The following TCERG1L variants were observed in gnomAD, a reference collection of about 807,000 sequenced individuals.
TCERG1L encodes the protein transcription elongation regulator 1 like.
TCERG1L carries 37 observed loss-of-function variants against 56.3 expected under a neutral mutation model. The observed-to-expected ratio is 0.66, with a 90% CI of 0.51 to 0.87. The LOEUF is 0.87. Among genes scored for constraint, TCERG1L ranks in the 40% least tolerant of loss-of-function variants. The probability of loss-of-function intolerance (pLI) is 0.00; values close to 1 mark genes in which losing one functional copy is unlikely to be tolerated. For missense variants in TCERG1L, 799 were observed against 774.2 expected (o/e 1.03, Z -0.38); for synonymous variants, 324 against 326.3 (o/e 0.99, Z 0.08).
At chr10:131,142,270 A>G (rs1845746943) in intron 7 of TCERG1L, among the ~76,000 whole-genome samples, 1 of 151,970 alleles carries the variant, frequency 6.6e-6, no homozygotes, top group South Asian at 2.1e-4. Context: ...AGACAGAACC[A>G]CACTAGCTCA....
intron 3 of TCERG1L, among the ~76,000 whole-genome samples, chr10:131,276,580 T>TGGAGATGCATTTAGAC (rs1220886054): frequency 6.6e-6 from 1 of 152,238 alleles, no homozygotes; most frequent in African/African-American, 2.4e-5. Flanking sequence ...TCTCTCTCTT[T>TGGAGATGCATTTAGAC]GGAGATGCAT....
intron 3 of TCERG1L, among the ~76,000 whole-genome samples, chr10:131,265,409 A>G (rs917693399): frequency 6.6e-6 from 1 of 152,246 alleles, no homozygotes; most frequent in Admixed American, 6.5e-5. Context: ...AAAGTTAATC[A>G]TATCAACAGA....
intron 6 of TCERG1L, among the ~76,000 whole-genome samples, chr10:131,153,168 T>C (rs1845883668): frequency 6.6e-6 from 1 of 152,028 alleles, no homozygotes; most frequent in Non-Finnish European, 1.5e-5. Flanking sequence ...CCCCAGACAC[T>C]AGGCTGAGTG....
intron 4 of TCERG1L, among the ~76,000 whole-genome samples, chr10:131,193,629 C>A (rs1229391962): frequency 6.6e-6 from 1 of 152,114 alleles, no homozygotes; most frequent in Non-Finnish European, 1.5e-5. Flanking sequence ...TTGTCAGTTT[C>A]ATCAGAGATC....
At position 131,238,998 on chromosome 10, in the gene TCERG1L, C is replaced by T. The variant is rs1404096130; in HGVS notation, c.856+21261G>A. Among the ~76,000 whole-genome samples the T allele has an allele frequency of 2.6e-5, 4 of 152,186 alleles. No individual in the cohort carries two copies. In the East Asian group the frequency reaches 7.7e-4, roughly 29 times the overall value. ...CCCTGCCTGACATGGACTTAAACTC[C>T]GAGAACATAAAAGCCAAAGCCCCAA... is the stretch of plus-strand genomic sequence containing the variant. On this transcript the variant is annotated intron_variant, in intron 4 of 11. Transcript: ENST00000368642.
In TCERG1L at chr10:131,242,614, C is replaced by T. The variant is rs528273187; in HGVS notation, c.856+17645G>A. ...GAAATGCTTGCAACCAGAAGCGTTT[C>T]AGATTTCAGGGTTTTTTTCCAGCTT... On this transcript the variant is annotated intron_variant, in intron 4 of 11. Transcript: ENST00000368642. Among the ~76,000 whole-genome samples the T allele has an allele frequency of 5.9e-5, 9 of 152,308 alleles. 1 individual carries two copies. Among genetic ancestry groups the T allele is most frequent in the African/African-American group, 2.2e-4 (9 of 41,566 alleles).
intron 5 of TCERG1L, 144 bp from the exon 6 acceptor site, chr10:131,163,354 C>CG: frequency 1.6e-6 from 1 of 638,808 alleles, no homozygotes; most frequent in Non-Finnish European, 2.6e-6. Flanking sequence ...CACGGCAGCG[C>CG]CTGGCTGGGA....
At chr10:131,119,724 C>T (rs749784419) in intron 8 of TCERG1L, among the ~76,000 whole-genome samples, 7 of 152,176 alleles carry the variant, frequency 4.6e-5, no homozygotes, top group Non-Finnish European at 8.8e-5. Context: ...AGTTCTGTAC[C>T]TTTAACAAAA....
At chr10:131,161,798 A>G (rs1351605973) in intron 6 of TCERG1L, 2 of 152,198 alleles carry the variant, frequency 1.3e-5, no homozygotes, top group Non-Finnish European at 2.9e-5. Context: ...AAATTCTAAA[A>G]CATTGAGGTT....
intron 8 of TCERG1L, 147 bp from the exon 9 acceptor site, chr10:131,117,081 C>A: frequency 8.9e-7 from 1 of 1,128,312 alleles, no homozygotes; most frequent in Non-Finnish European, 1.2e-6. Flanking sequence ...CGGTCTCCCT[C>A]GCAAAGATGG....
At chr10:131,114,436 G>GA (rs1462504257) in intron 9 of TCERG1L, among the ~76,000 whole-genome samples, 1 of 146,926 alleles carries the variant, frequency 6.8e-6, no homozygotes, top group East Asian at 2.2e-4. Context: ...GGCCTCTCCT[G>GA]AAAATCCTCA....
intron 4 of TCERG1L, among the ~76,000 whole-genome samples, chr10:131,241,123 T>C (rs986686129): frequency 6.6e-6 from 1 of 151,838 alleles, no homozygotes; most frequent in African/African-American, 2.4e-5. Flanking sequence ...CGCACAGAAA[T>C]GGTGATGAAA....
chr10:131,296,619 G>A (rs1391287182), intron 3 of TCERG1L, among the ~76,000 whole-genome samples: 9 of 152,154 alleles, frequency 5.9e-5, no homozygotes, highest in Non-Finnish European at 1.3e-4. Flanking sequence ...TCCTTTGCCT[G>A]TCCATATTAA....
At chr10:131,284,280 A>C (rs1846496341) in intron 3 of TCERG1L, among the ~76,000 whole-genome samples, 1 of 152,134 alleles carries the variant, frequency 6.6e-6, no homozygotes, top group South Asian at 2.1e-4. Context: ...ATACATTAGA[A>C]ATTAATTGAA....
intron 9 of TCERG1L, among the ~76,000 whole-genome samples, chr10:131,115,315 C>A (rs1007838311): frequency 6.6e-6 from 1 of 152,248 alleles, no homozygotes; most frequent in Non-Finnish European, 1.5e-5. Flanking sequence ...CTGCAGAGAC[C>A]AAGTTGGGAG....
chr10:131,257,297 C>T (rs867034149), intron 4 of TCERG1L, among the ~76,000 whole-genome samples: 8 of 152,152 alleles, frequency 5.3e-5, no homozygotes, highest in Non-Finnish European at 1.0e-4. Context: ...CACCCCATCC[C>T]CTGGGAGGGC....
At chr10:131,196,932 C>T (rs1322027831) in intron 4 of TCERG1L, among the ~76,000 whole-genome samples, 7 of 152,136 alleles carry the variant, frequency 4.6e-5, no homozygotes, top group Admixed American at 2.6e-4. Context: ...CCCTGACTTG[C>T]CCCCTAAAAT....
chr10:131,164,134 A>C (rs1262468500), intron 5 of TCERG1L: 1 of 150,914 alleles, frequency 6.6e-6, no homozygotes, highest in Non-Finnish European at 1.5e-5. Flanking sequence ...CTTAAAAAAA[A>C]AAAAAAAAAA....
Position 131,280,705 on chromosome 10 carries a change from G to GCACACA in TCERG1L, c.671-20267_671-20262dup, listed in dbSNP as rs59263854. On this transcript the variant is annotated intron_variant, in intron 3 of 11. Coordinates refer to ENST00000368642, the MANE Select transcript of TCERG1L (RefSeq NM_174937.4). ...ACTCATCTGTGCCTGCCTAAGATGT[G>GCACACA]CACACACACACACACACAGACACCT... Among the ~76,000 whole-genome samples, 1,062 of 150,626 alleles carry GCACACA rather than the reference G, an allele frequency of 7.1e-3. 10 individuals carry two copies. Among genetic ancestry groups the GCACACA allele is most frequent in the African/African-American group, 0.024 (999 of 41,098 alleles).
Sources: allele counts gnomAD v4.1 joint callset (sites outside exome capture counted in the v4.1 genomes callset), GRCh38; gene constraint gnomAD v4.1.1; transcripts MANE v1.5; gene names NCBI Gene and HGNC (gene_info 2026-07-23, HGNC 2026-07-21).